FHIP1A: variants seen among roughly 807,000 people sequenced by gnomAD.
FHIP1A encodes FHF complex subunit HOOK-interacting protein 1A.
FHIP1A carries 61 observed loss-of-function variants against 88.6 expected under a neutral mutation model. The observed-to-expected ratio is 0.69, with a 90% confidence interval of 0.56 to 0.85. The LOEUF (loss-of-function observed/expected upper bound fraction) is 0.85, where lower values mean the gene tolerates loss of function less well. Ranked by LOEUF, FHIP1A falls within the 40% of genes least tolerant of loss-of-function variation. FHIP1A has a pLI of 0.00. For synonymous variants in FHIP1A, 478 were observed against 496.0 expected, an observed-to-expected ratio of 0.96 and a Z score of 0.48; for missense variants, 1,154 against 1,273.5, an observed-to-expected ratio of 0.91 and a Z score of 1.43.
At chr4:151,579,535 A>T (rs1733945723) in intron 5 of FHIP1A, among the ~76,000 whole-genome samples, 1 of 152,220 alleles carries the variant, frequency 6.6e-6, no homozygotes, top group African/African-American at 2.4e-5. Context: ...CAGGTATTGT[A>T]ACAAATCAAA....
Position 151,527,630 on chromosome 4 carries a change from A to C in FHIP1A, c.-122-38508A>C, listed in dbSNP as rs375947455. On this transcript the variant is annotated intron_variant, in intron 3 of 13. Transcript: ENST00000435205. ...CTGGAAAATTGACTTTATTATTGTT[A>C]TTATTTTTATTGGTAACACAGGGGC... Among the ~76,000 whole-genome samples, 21 of 152,226 alleles carry C rather than the reference A, an allele frequency of 1.4e-4. No homozygotes were observed. The East Asian group carries it at 3.9e-3, about 28-fold the overall frequency.
intron 3 of FHIP1A, among the ~76,000 whole-genome samples, chr4:151,490,014 G>T (rs1355423250): frequency 6.6e-6 from 1 of 152,136 alleles, no homozygotes; most frequent in Non-Finnish European, 1.5e-5. Flanking sequence ...TGCAGCAAGT[G>T]CTCTCTTGAA....
intron 2 of FHIP1A, among the ~76,000 whole-genome samples, chr4:151,477,816 T>C (rs575105291): frequency 6.6e-6 from 1 of 152,264 alleles, no homozygotes; most frequent in East Asian, 1.9e-4. Flanking sequence ...TGGACAAAGA[T>C]TACAAAGTCT....
intron 1 of FHIP1A, among the ~76,000 whole-genome samples, chr4:151,425,307 T>G (rs1244960490): frequency 6.6e-6 from 1 of 152,126 alleles, no homozygotes; most frequent in Non-Finnish European, 1.5e-5. Flanking sequence ...GACAGATTAC[T>G]CAGTTTTTTC....
chr4:151,452,955 T>TACACACACACAC (rs374067458), intron 1 of FHIP1A, among the ~76,000 whole-genome samples: 1 of 147,806 alleles, frequency 6.8e-6, no homozygotes, highest in Non-Finnish European at 1.5e-5. Flanking sequence ...TATATATACA[T>TACACACACACAC]ACACACACAC....
At chr4:151,482,368 G>A (rs1008832311) in intron 2 of FHIP1A, among the ~76,000 whole-genome samples, 156 bp from the exon 3 acceptor site, 1 of 151,848 alleles carries the variant, frequency 6.6e-6, no homozygotes, top group Non-Finnish European at 1.5e-5. Flanking sequence ...TTTGCTTTTT[G>A]CTTATTTATT....
intron 3 of FHIP1A, among the ~76,000 whole-genome samples, chr4:151,519,246 C>T (rs1731367342): frequency 6.6e-6 from 1 of 152,176 alleles, no homozygotes; most frequent in Non-Finnish European, 1.5e-5. Context: ...CAATCCCTAC[C>T]TCCCACCCTT....
intron 3 of FHIP1A, among the ~76,000 whole-genome samples, chr4:151,523,525 A>G (rs1451106867): frequency 6.6e-6 from 1 of 152,154 alleles, no homozygotes; most frequent in Admixed American, 6.5e-5. Context: ...TCTTTAAACA[A>G]TCATAAGTTT....
At chr4:151,455,736 G>T (rs764793716) in intron 2 of FHIP1A, among the ~76,000 whole-genome samples, 1 of 152,190 alleles carries the variant, frequency 6.6e-6, no homozygotes, top group African/African-American at 2.4e-5. Flanking sequence ...ATATAGCACT[G>T]CTTCTGAAGG....
chr4:151,424,937 C>T (rs1018770814), intron 1 of FHIP1A, among the ~76,000 whole-genome samples: 3 of 152,064 alleles, frequency 2.0e-5, no homozygotes, highest in Non-Finnish European at 4.4e-5. Flanking sequence ...ATTTTGTTAC[C>T]TCCAATGAAA....
intron 3 of FHIP1A, among the ~76,000 whole-genome samples, chr4:151,547,739 C>T (rs964395006): frequency 3.3e-5 from 5 of 151,988 alleles, no homozygotes; most frequent in Non-Finnish European, 5.9e-5. Context: ...CATGGCGAAA[C>T]GCTGTCTCTA....
chr4:151,610,778 C>T (rs991864202), intron 7 of FHIP1A, among the ~76,000 whole-genome samples: 35 of 152,286 alleles, frequency 2.3e-4, no homozygotes, highest in African/African-American at 6.5e-4. Flanking sequence ...CTGATCAGTG[C>T]AGGCATAGAC....
At chr4:151,606,475 T>C (rs1735078795) in intron 7 of FHIP1A, among the ~76,000 whole-genome samples, 1 of 152,194 alleles carries the variant, frequency 6.6e-6, no homozygotes, top group Non-Finnish European at 1.5e-5. Flanking sequence ...TTTTTAAATT[T>C]GGTGGTTCTT....
At chr4:151,505,048 C>A (rs979783597) in intron 3 of FHIP1A, among the ~76,000 whole-genome samples, 1 of 152,164 alleles carries the variant, frequency 6.6e-6, no homozygotes, top group African/African-American at 2.4e-5. Context: ...GCTTCCCTTT[C>A]TTCTACTGTA....
intron 9 of FHIP1A, 113 bp downstream of exon 9, chr4:151,638,869 T>C: frequency 2.1e-6 from 1 of 484,830 alleles, no homozygotes; most frequent in East Asian, 3.4e-5. Context: ...TTGTATAAGC[T>C]AAAAAGGCGC....
At chr4:151,535,028 A>G (rs1372978) in intron 3 of FHIP1A, 73,539 of 152,020 alleles carry the variant, frequency 0.48, 18,312 homozygotes, top group African/African-American at 0.6. Context: ...ACCAGCCTGG[A>G]CAGCGTAAGG....
At chr4:151,621,476 G>A (rs1401889674) in intron 7 of FHIP1A, among the ~76,000 whole-genome samples, 1 of 145,972 alleles carries the variant, frequency 6.9e-6, no homozygotes, top group Non-Finnish European at 1.5e-5. Context: ...GAGTGTCTAG[G>A]AAAATTGGTC....
At chr4:151,603,868 T>G (rs1734970115) in intron 7 of FHIP1A, among the ~76,000 whole-genome samples, 1 of 152,226 alleles carries the variant, frequency 6.6e-6, no homozygotes, top group African/African-American at 2.4e-5. Context: ...TGGGTCTTCA[T>G]CTCCACATAT....
intron 3 of FHIP1A, among the ~76,000 whole-genome samples, chr4:151,486,068 A>C (rs1445760043): frequency 6.6e-6 from 1 of 152,136 alleles, no homozygotes; most frequent in Non-Finnish European, 1.5e-5. Flanking sequence ...TGCAACCTAG[A>C]TCCCTCACAT....
Sources: allele counts gnomAD v4.1 joint callset (sites outside exome capture counted in the v4.1 genomes callset), GRCh38; gene constraint gnomAD v4.1.1; transcripts MANE v1.5; gene names NCBI Gene and HGNC (gene_info 2026-07-23, HGNC 2026-07-21).